Variants in CLCN5 observed in about 807,000 individuals in gnomAD.
CLCN5 encodes the protein H(+)/Cl(-) exchange transporter 5.
A neutral mutation model predicts 54.0 loss-of-function variants in CLCN5; 17 were observed. That is an observed-to-expected ratio of 0.31 (90% confidence interval 0.22 to 0.47). CLCN5 has a LOEUF of 0.47. CLCN5 is among the 20% of genes least tolerant of loss of function. The pLI is 1.00. For synonymous variants in CLCN5, 222 were observed against 233.0 expected (o/e 0.95, Z 0.43); for missense variants, 448 against 646.7 (o/e 0.69, Z 3.33).
chrX:49,944,593 T>C (rs1926582254), intron 3 of CLCN5, among the ~76,000 whole-genome samples: 2 of 111,991 alleles, frequency 1.8e-5, no homozygotes, highest in South Asian at 7.5e-4. Flanking sequence ...ATACCGAATT[T>C]ATTGAGAGTT....
At chrX:50,049,402 C>T (rs1465282057) in intron 4 of CLCN5, among the ~76,000 whole-genome samples, 1 of 111,537 alleles carries the variant, frequency 9.0e-6, no homozygotes. Flanking sequence ...ATGATGTTTG[C>T]ACGATGATGA....
intron 3 of CLCN5, among the ~76,000 whole-genome samples, chrX:50,018,740 T>TA (rs1213868766): frequency 8.9e-6 from 1 of 112,525 alleles, no homozygotes; most frequent in Non-Finnish European, 1.9e-5. Context: ...AGCCTGTTAA[T>TA]ATGCTAGATT....
intron 4 of CLCN5, among the ~76,000 whole-genome samples, chrX:50,053,295 C>T (rs4824819): frequency 0.023 from 2,578 of 111,428 alleles, 35 homozygotes; most frequent in Admixed American, 0.057. Flanking sequence ...AGTAGTTGGT[C>T]CATTTCACCT....
intron 4 of CLCN5, among the ~76,000 whole-genome samples, chrX:50,045,938 T>A (rs1557187708): frequency 1.8e-5 from 2 of 112,388 alleles, no homozygotes; most frequent in South Asian, 7.4e-4. Flanking sequence ...ATACTACATT[T>A]TGTACCAGGC....
intron 3 of CLCN5, among the ~76,000 whole-genome samples, chrX:50,034,559 C>T (rs1277104713): frequency 8.1e-5 from 9 of 111,545 alleles, no homozygotes; most frequent in African/African-American, 2.3e-4. Context: ...TGCTTGCTAG[C>T]AGTGAAATAT....
intron 3 of CLCN5, among the ~76,000 whole-genome samples, chrX:49,997,418 C>T (rs1050743274): frequency 1.8e-5 from 2 of 111,347 alleles, no homozygotes; most frequent in African/African-American, 6.5e-5. Flanking sequence ...GTTGTAAGTT[C>T]CCACCCTTCA....
At chrX:50,003,424 C>A (rs782814723) in intron 3 of CLCN5, 10 of 359,727 alleles carry the variant, frequency 2.8e-5, no homozygotes, top group African/African-American at 1.8e-4. Flanking sequence ...ATCTTGCTGC[C>A]CACTTGCACC....
intron 4 of CLCN5, among the ~76,000 whole-genome samples, chrX:50,044,341 T>G (rs984005402): frequency 1.8e-5 from 2 of 111,680 alleles, no homozygotes; most frequent in Non-Finnish European, 3.8e-5. Flanking sequence ...AGCGAGGTCT[T>G]GAAAGATTAG....
chrX:49,959,897 C>T (rs1402168705), intron 3 of CLCN5, among the ~76,000 whole-genome samples: 1 of 111,226 alleles, frequency 9.0e-6, no homozygotes, highest in Non-Finnish European at 1.9e-5. Flanking sequence ...CTTCAGCAAC[C>T]TCTTCATATG....
At chrX:49,980,056 G>C (rs782235991) in intron 3 of CLCN5, among the ~76,000 whole-genome samples, 37 of 111,289 alleles carry the variant, frequency 3.3e-4, no homozygotes, top group Admixed American at 3.1e-3. Context: ...TAAAAATCTA[G>C]TACTGTCTAA....
chrX:50,008,699 T>G (rs59038115), intron 3 of CLCN5, among the ~76,000 whole-genome samples: 8,300 of 111,982 alleles, frequency 0.074, 762 homozygotes, highest in African/African-American at 0.26. Flanking sequence ...TTCCTCATCA[T>G]CCATTACACC....
chrX:50,050,183 G>T (rs1932529120), intron 4 of CLCN5: 1 of 111,988 alleles, frequency 8.9e-6, no homozygotes, highest in African/African-American at 3.2e-5. Context: ...TTTTTATGTG[G>T]ATATAAATTT....
chrX:49,960,988 A>T (rs1187425093), intron 3 of CLCN5, among the ~76,000 whole-genome samples: 1 of 111,824 alleles, frequency 8.9e-6, no homozygotes, highest in Non-Finnish European at 1.9e-5. Flanking sequence ...GACCTCTCAC[A>T]GGTCAGCATG....
At chrX:50,057,080 A>C (rs1323301200) in intron 4 of CLCN5, among the ~76,000 whole-genome samples, 1 of 110,656 alleles carries the variant, frequency 9.0e-6, no homozygotes, top group Non-Finnish European at 1.9e-5. Flanking sequence ...CAGGGATGAG[A>C]TTCAAAACAA....
chrX:50,084,059 A>G (rs1933804513), intron 9 of CLCN5, among the ~76,000 whole-genome samples: 1 of 112,249 alleles, frequency 8.9e-6, no homozygotes, highest in Admixed American at 9.4e-5. Context: ...ATGTTATGAA[A>G]AATGCATTGT....
chrX:50,068,881 A>G (rs1933128928), intron 4 of CLCN5, among the ~76,000 whole-genome samples: 1 of 111,950 alleles, frequency 8.9e-6, no homozygotes, highest in Non-Finnish European at 1.9e-5. Context: ...ATTCCTCAGT[A>G]CTGTTTTGTA....
In CLCN5 at chrX:50,086,278, A is replaced by G. The variant is rs1413651715; in HGVS notation, c.1015-50A>G. 5 of 1,129,411 alleles carry G rather than the reference A, an allele frequency of 4.4e-6. No homozygotes were observed. The African/African-American group carries it at 5.4e-5, about 12-fold the overall frequency. The allele number at this position is 1,129,411 out of a possible 1,213,427, so 93.1% of individuals were successfully genotyped here. A position where few individuals can be genotyped will look rare whatever the true frequency, so the allele number is the denominator to read the frequency against. On this transcript the variant is annotated intron_variant, in intron 10 of 14. Coordinates refer to ENST00000376091, the MANE Select transcript of CLCN5 (RefSeq NM_001127898.4). ...CCTGCAGCACAACATTTCACCTGAA[A>G]TAGTTTCTGCGTATTGACTGAGTTT...
chrX:50,048,359 C>T (rs782692760), intron 4 of CLCN5, among the ~76,000 whole-genome samples: 1 of 112,613 alleles, frequency 8.9e-6, no homozygotes, highest in South Asian at 3.7e-4. Flanking sequence ...TCCATGGCCC[C>T]GTGGATGGGG....
intron 3 of CLCN5, among the ~76,000 whole-genome samples, chrX:50,011,768 G>A (rs1930515699): frequency 2.7e-5 from 3 of 111,961 alleles, no homozygotes; most frequent in African/African-American, 6.5e-5. Context: ...CACTATATGC[G>A]GTGAGCCTTC....
Sources: allele counts gnomAD v4.1 joint callset (sites outside exome capture counted in the v4.1 genomes callset), GRCh38; gene constraint gnomAD v4.1.1; transcripts MANE v1.5; gene names NCBI Gene and HGNC (gene_info 2026-07-23, HGNC 2026-07-21).